GDF5: variants seen among roughly 807,000 people sequenced by gnomAD.
GDF5 encodes the protein growth/differentiation factor 5.
Under a neutral mutation model 34.6 loss-of-function variants are expected in GDF5, and 17 were observed. The ratio of observed to expected loss-of-function variants is 0.49; its 90% CI spans 0.34 to 0.74. GDF5 has a LOEUF of 0.74. GDF5 is among the 30% of genes least tolerant of loss of function. GDF5 has a pLI of 0.01. For missense variants in GDF5, 616 were observed against 661.2 expected (o/e 0.93, Z 0.75); for synonymous variants, 332 against 290.7 (o/e 1.14, Z -1.44).
upstream of GDF5, among the ~76,000 whole-genome samples, chr20:35,439,443 G>T (rs1209653286): frequency 6.6e-6 from 1 of 152,058 alleles, no homozygotes; most frequent in Non-Finnish European, 1.5e-5. Flanking sequence ...TAGCCAGGAT[G>T]GTCTCGATCT....
upstream of GDF5, among the ~76,000 whole-genome samples, chr20:35,439,017 C>T (rs902703938): frequency 2.6e-5 from 4 of 151,886 alleles, no homozygotes; most frequent in Admixed American, 6.6e-5. Context: ...GCCCACTACA[C>T]CCCCTCCCTA....
chr20:35,451,056 A>ATATATATATATAT (rs2062530262), intron 1 of GDF5, among the ~76,000 whole-genome samples: 1 of 67,046 alleles, frequency 1.5e-5, no homozygotes, highest in Non-Finnish European at 2.8e-5. Context: ...AAAAAAAAAA[A>ATATATATATATAT]AAAAAAAAAT....
chr20:35,433,642 G>A lies in GDF5; in HGVS notation c.*267C>T. On this transcript the variant is annotated 3_prime_UTR_variant, in exon 2 of 2. Coordinates refer to ENST00000374369, the MANE Select transcript of GDF5 (RefSeq NM_000557.5). The stretch of plus-strand genomic sequence containing the variant: ...GGAAAGCACTGTTTCCTGGGACTCA[G>A]TCCCATTCAGAGTCTGTCTCCCTGG... 1.9e-6 allele frequency: 1 copy of A among 527,284 alleles called. No homozygotes were observed. The highest frequency in any genetic ancestry group is 3.5e-6 in the Non-Finnish European group (1 of 289,472). 32.7% of individuals were successfully genotyped at this position (527,284 alleles called of 1,614,324 possible). A position where few individuals can be genotyped will look rare whatever the true frequency, so the allele number is the denominator to read the frequency against.
chr20:35,434,872 C>A, intron 1 of GDF5, 89 bp from the exon 2 acceptor site: 2 of 1,357,216 alleles, frequency 1.5e-6, no homozygotes, highest in African/African-American at 1.4e-5. Flanking sequence ...CAGCTCTCTC[C>A]CAGTCCAGAG....
chr20:35,443,670 C>T (rs1394943436), intron 1 of GDF5, among the ~76,000 whole-genome samples: 5 of 152,060 alleles, frequency 3.3e-5, no homozygotes, highest in African/African-American at 4.8e-5. Flanking sequence ...CGCCACCACC[C>T]CTGGCTAATT....
chr20:35,433,912 C>T lies in GDF5; in HGVS notation c.1503G>A (p.Arg501=), dbSNP rs753446924. The part of the protein sequence containing the change: ...EDMVVESCGC[R] ...GGAAGACAGAGGGCCAGTGCTGCTA[C>T]CTGCAGCCACACGACTCCACGACCA... The change falls in exon 2 of 2, where the codon AGG becomes AGA. Residue 501 remains arginine, a synonymous_variant. Coordinates refer to ENST00000374369, the MANE Select transcript of GDF5 (RefSeq NM_000557.5). The T allele has an allele frequency of 5.6e-6, 9 of 1,613,158 alleles. No individual in the cohort carries two copies. The East Asian group carries it at 2.0e-4, about 36-fold the overall frequency.
intron 1 of GDF5, among the ~76,000 whole-genome samples, chr20:35,449,939 T>C (rs996919208): frequency 1.3e-5 from 2 of 150,580 alleles, no homozygotes; most frequent in Non-Finnish European, 3.0e-5. Context: ...CAGTGAGCTA[T>C]GATCAAATCA....
intron 1 of GDF5, among the ~76,000 whole-genome samples, chr20:35,448,546 C>T (rs1358829456): frequency 7.3e-6 from 1 of 137,836 alleles, no homozygotes; most frequent in Non-Finnish European, 1.5e-5. Context: ...CAGGTTCAAG[C>T]GATTCTTGTG....
rs778348174 is a variant in GDF5, at chr20:35,437,573, G to A, written c.356C>T (p.Ala119Val). The change falls in exon 1 of 2, where the codon GCC becomes GTC. Residue 119 changes from alanine (A) to valine (V), a missense_variant. Ala to Val is a moderately conservative substitution (Grantham distance 64, BLOSUM62 0). Transcript: ENST00000374369. ...CTGTCCTTTTGGGGTCACAGTCCGG[G>A]CTGTAGCCTGCCTTGTTTGGGGAGG... is the stretch of plus-strand genomic sequence containing the variant. Reference protein sequence around the residue: ...GHPPQTRQATARTVTPKGQLP... With the variant: ...GHPPQTRQATVRTVTPKGQLP... 1.2e-6 allele frequency: 2 copies of A among 1,614,168 alleles called. No individual in the cohort carries two copies. Among genetic ancestry groups the A allele is most frequent in the Admixed American group, 3.3e-5 (2 of 60,024 alleles).
chr20:35,442,889 G>T (rs770345655), upstream of GDF5, among the ~76,000 whole-genome samples: 5 of 152,090 alleles, frequency 3.3e-5, no homozygotes, highest in East Asian at 9.6e-4. Flanking sequence ...GTTCAGAAAG[G>T]TTAAATTATT....
upstream of GDF5, among the ~76,000 whole-genome samples, chr20:35,439,295 T>C (rs1694678550): frequency 6.7e-6 from 1 of 148,972 alleles, no homozygotes; most frequent in African/African-American, 2.5e-5. Context: ...TGGCATGATC[T>C]CAGCTCACTG....
rs754587274 is a variant in GDF5 at position 35,437,655 on chromosome 20, C to G, written c.274G>C (p.Asp92His). The part of the protein sequence containing the change: ...QTGGLTQPKK[D>H]EPKKLPPRPG... ...CTGGGGGGCAGCTTTTTGGGTTCAT[C>G]CTTCTTGGGCTGTGTCAGGCCTCCT... The change falls in exon 1 of 2, where the codon GAT (aspartate) becomes CAT (histidine). Residue 92 changes from aspartate to histidine, a missense_variant. Coordinates refer to ENST00000374369, the MANE Select transcript of GDF5 (RefSeq NM_000557.5). 6.2e-7 allele frequency: 1 copy of G among 1,614,110 alleles called. No homozygotes were observed. Among genetic ancestry groups the G allele is most frequent in the South Asian group, 1.1e-5 (1 of 91,076 alleles).
Position 35,438,185 on chromosome 20 carries a change from T to A in GDF5, c.-257A>T. ...CAGTCAGCAGCTGAAAATAACTCGTTCTTGAAAGGAGAAAGCCGACCGCCC... is the reference window on the plus strand; with the variant it reads ...CAGTCAGCAGCTGAAAATAACTCGTACTTGAAAGGAGAAAGCCGACCGCCC... On this transcript the variant is annotated 5_prime_UTR_variant, in exon 1 of 2. Transcript: ENST00000374369. The A allele has an allele frequency of 1.8e-6, 1 of 555,424 alleles. No homozygotes were observed. Among genetic ancestry groups the A allele is most frequent in the Admixed American group, 3.1e-5 (1 of 32,614 alleles). The allele number at this position is 555,424 out of a possible 1,614,324, so 34.4% of individuals were successfully genotyped here.
At chr20:35,443,691 T>C (rs2062505385) in intron 1 of GDF5, among the ~76,000 whole-genome samples, 1 of 151,984 alleles carries the variant, frequency 6.6e-6, no homozygotes. Context: ...TTTGTATTTT[T>C]AGTAGAGACA....
At chr20:35,453,909 T>C (rs1275555183) in intron 1 of GDF5, 1 of 534,496 alleles carries the variant, frequency 1.9e-6, no homozygotes, top group East Asian at 5.4e-5. Context: ...CAAATTACAG[T>C]CTCTACGCTC....
At chr20:35,438,824 C>CGCGCGTGTGTGT (rs1196886737), upstream of GDF5, among the ~76,000 whole-genome samples, 1 of 126,406 alleles carries the variant, frequency 7.9e-6, no homozygotes, top group East Asian at 2.6e-4. Flanking sequence ...ATTTGTTATG[C>CGCGCGTGTGTGT]GTGTGTGTGT....
At position 35,451,156 on chromosome 20, in the gene GDF5, A is replaced by T. The variant is rs1034019896; in HGVS notation, c.-398+3484T>A. On this transcript the variant is annotated intron_variant, in intron 1 of 3. Coordinates refer to the GDF5 transcript ENST00000374372. ...AAATTTCACATACATATATATATATATTTTTTAATTCAGTTAGTCCAGACG... is the reference window on the plus strand; with the variant it reads ...AAATTTCACATACATATATATATATTTTTTTTAATTCAGTTAGTCCAGACG... 8.2e-4 allele frequency among the ~76,000 whole-genome samples: 121 copies of T among 147,906 alleles called. 1 individual carries two copies. Among genetic ancestry groups the T allele is most frequent in the Middle Eastern group, 3.5e-3 (1 of 286 alleles).
intron 1 of GDF5, among the ~76,000 whole-genome samples, chr20:35,435,732 T>C (rs1329810858): frequency 6.6e-6 from 1 of 152,188 alleles, no homozygotes; most frequent in African/African-American, 2.4e-5. Context: ...TTTTGTTGCC[T>C]ATGTGTCTTA....
chr20:35,444,967 C>G (rs543133898), intron 1 of GDF5, among the ~76,000 whole-genome samples: 2 of 152,252 alleles, frequency 1.3e-5, no homozygotes, highest in African/African-American at 4.8e-5. Context: ...CTCCTGACTT[C>G]AGGTGATCCA....
Sources: gnomAD v4.1 joint callset for allele counts (sites outside exome capture counted in the v4.1 genomes callset) on GRCh38, gnomAD v4.1.1 for gene constraint, MANE v1.5 for transcripts, NCBI Gene and HGNC (gene_info 2026-07-23, HGNC 2026-07-21) for gene names.